Variants in MB21D2 observed in about 807,000 individuals in gnomAD.
The protein encoded by MB21D2 is nucleotidyltransferase MB21D2.
MB21D2 carries 9 observed loss-of-function variants against 33.3 expected under a neutral mutation model. The observed-to-expected ratio is 0.27, with a 90% confidence interval of 0.16 to 0.47. The LOEUF (loss-of-function observed/expected upper bound fraction) is 0.47. Ranked by LOEUF, MB21D2 falls within the 20% of genes least tolerant of loss-of-function variation. The pLI, the probability that MB21D2 is intolerant of heterozygous loss-of-function variation, is 0.99. For missense variants in MB21D2, 540 were observed against 624.6 expected, an observed-to-expected ratio of 0.86 and a Z score of 1.44; for synonymous variants, 241 against 236.3, an observed-to-expected ratio of 1.02 and a Z score of -0.18.
chr3:192,848,214 G>C (rs967643984), intron 1 of MB21D2, among the ~76,000 whole-genome samples: 2 of 152,172 alleles, frequency 1.3e-5, no homozygotes, highest in East Asian at 3.9e-4. Flanking sequence ...CACGGAAACT[G>C]ACATTTTTCT....
At chr3:192,800,964 G>A (rs1382578112) in intron 1 of MB21D2, among the ~76,000 whole-genome samples, 1 of 152,168 alleles carries the variant, frequency 6.6e-6, no homozygotes, top group African/African-American at 2.4e-5. Flanking sequence ...ACATCTTCTC[G>A]AATTGTATAC....
At chr3:192,909,126 G>C (rs1371436232) in intron 1 of MB21D2, among the ~76,000 whole-genome samples, 1 of 151,676 alleles carries the variant, frequency 6.6e-6, no homozygotes, top group Non-Finnish European at 1.5e-5. Context: ...CATGGTGGCG[G>C]GCGCCTGTAG....
rs547677815 is a variant in MB21D2 at position 192,902,594 on chromosome 3, A to C, written c.211+15036T>G. ...TTTGACCTTGAGCAAGTCACTGTTC[A>C]CTAGGGGTTAAGTTTCTCCATCAGT... On this transcript the variant is annotated intron_variant, in intron 1 of 1. Transcript: ENST00000392452. 2.6e-5 allele frequency among the ~76,000 whole-genome samples: 4 copies of C among 152,330 alleles called. No individual in the cohort carries two copies. The South Asian group carries it at 6.2e-4, about 24-fold the overall frequency.
chr3:192,796,876 T>A lies in MB21D2; in HGVS notation c.*1510A>T, dbSNP rs572705672. 6.5e-6 allele frequency: 1 copy of A among 152,736 alleles called. No homozygotes were observed. Among genetic ancestry groups the A allele is most frequent in the South Asian group, 2.1e-4 (1 of 4,828 alleles). The allele number at this position is 152,736 out of a possible 1,614,324, so 9.5% of individuals were successfully genotyped here. A position where few individuals can be genotyped will look rare whatever the true frequency, so the allele number is the denominator to read the frequency against. ...GTGTTTGACTTAGATGGTTGAAATG[T>A]TTTCATTTTTCATTTATAAGCATTA... On this transcript the variant is annotated 3_prime_UTR_variant, in exon 2 of 2. Transcript: ENST00000392452.
intron 1 of MB21D2, among the ~76,000 whole-genome samples, chr3:192,878,919 G>A (rs893281704): frequency 6.6e-6 from 1 of 152,192 alleles, no homozygotes; most frequent in Admixed American, 6.5e-5. Flanking sequence ...AGTCAAGACT[G>A]TGCCACTGCA....
At chr3:192,876,550 C>T (rs918385188) in intron 1 of MB21D2, among the ~76,000 whole-genome samples, 6 of 152,174 alleles carry the variant, frequency 3.9e-5, no homozygotes, top group African/African-American at 1.4e-4. Flanking sequence ...GTTGGTCTTC[C>T]AAAAGGGCAT....
At chr3:192,863,973 T>C (rs551248676) in intron 1 of MB21D2, among the ~76,000 whole-genome samples, 1 of 152,268 alleles carries the variant, frequency 6.6e-6, no homozygotes, top group African/African-American at 2.4e-5. Flanking sequence ...GCAACCTGAA[T>C]GGACTAAGAC....
chr3:192,836,711 C>G (rs1279889393), intron 1 of MB21D2, among the ~76,000 whole-genome samples: 1 of 152,140 alleles, frequency 6.6e-6, no homozygotes, highest in East Asian at 1.9e-4. Flanking sequence ...TTTAAGCTAC[C>G]CTGTCTGTGG....
intron 1 of MB21D2, among the ~76,000 whole-genome samples, chr3:192,810,190 G>A (rs980084814): frequency 4.6e-5 from 7 of 152,074 alleles, no homozygotes; most frequent in Admixed American, 1.3e-4. Context: ...AACCCTTATC[G>A]GGTACACTGG....
chr3:192,810,636 C>T (rs1251455193), intron 1 of MB21D2, among the ~76,000 whole-genome samples: 1 of 152,136 alleles, frequency 6.6e-6, no homozygotes, highest in Admixed American at 6.5e-5. Context: ...GTATCCATCA[C>T]CTAACTTCAA....
intron 1 of MB21D2, among the ~76,000 whole-genome samples, chr3:192,858,388 C>T (rs1268394381): frequency 7.2e-5 from 11 of 152,120 alleles, no homozygotes; most frequent in Non-Finnish European, 1.5e-4. Context: ...TTTTCCAAGT[C>T]ACACTCCTGG....
intron 1 of MB21D2, among the ~76,000 whole-genome samples, chr3:192,872,188 TA>T (rs924343486): frequency 3.3e-5 from 5 of 152,194 alleles, no homozygotes; most frequent in African/African-American, 1.2e-4. Context: ...TCGTTTACAA[TA>T]AAAAAGGTAA....
intron 1 of MB21D2, among the ~76,000 whole-genome samples, chr3:192,820,112 G>T (rs1712011373): frequency 6.6e-6 from 1 of 152,102 alleles, no homozygotes; most frequent in South Asian, 2.1e-4. Flanking sequence ...TGTTTCTGTG[G>T]GGAGAGAAAG....
chr3:192,904,743 T>C (rs1029614259), intron 1 of MB21D2, among the ~76,000 whole-genome samples: 2 of 152,208 alleles, frequency 1.3e-5, no homozygotes, highest in African/African-American at 4.8e-5. Context: ...TGAAGGGCAG[T>C]GGCCCCATCA....
At chr3:192,818,550 C>T (rs1232615432) in intron 1 of MB21D2, among the ~76,000 whole-genome samples, 2 of 152,160 alleles carry the variant, frequency 1.3e-5, no homozygotes, top group Non-Finnish European at 2.9e-5. Context: ...TGTATTGTTG[C>T]CTATGATCTT....
At chr3:192,840,801 G>C (rs1009534761) in intron 1 of MB21D2, among the ~76,000 whole-genome samples, 4 of 152,192 alleles carry the variant, frequency 2.6e-5, no homozygotes. Flanking sequence ...AGTTGGTTAA[G>C]ACAACTTCTT....
intron 1 of MB21D2, among the ~76,000 whole-genome samples, chr3:192,840,948 A>G (rs899026070): frequency 2.6e-5 from 4 of 152,250 alleles, no homozygotes; most frequent in Non-Finnish European, 4.4e-5. Context: ...TATAGAAAGC[A>G]AAATCAGCAT....
At chr3:192,811,189 T>C (rs956068603) in intron 1 of MB21D2, among the ~76,000 whole-genome samples, 10 of 152,220 alleles carry the variant, frequency 6.6e-5, no homozygotes, top group African/African-American at 2.4e-4. Context: ...CGATTCTACA[T>C]TGGGTTCTAT....
chr3:192,906,656 T>C (rs566125038), intron 1 of MB21D2, among the ~76,000 whole-genome samples: 1 of 152,332 alleles, frequency 6.6e-6, no homozygotes, highest in African/African-American at 2.4e-5. Context: ...TATTCTTTGC[T>C]TCTTGTTCTT....
Sources: gnomAD v4.1 joint callset for allele counts (sites outside exome capture counted in the v4.1 genomes callset) on GRCh38, gnomAD v4.1.1 for gene constraint, MANE v1.5 for transcripts, NCBI Gene and HGNC (gene_info 2026-07-23, HGNC 2026-07-21) for gene names.